Variants in CHID1 observed in about 807,000 individuals in gnomAD.
The protein encoded by CHID1 is chitinase domain containing 1.
A neutral mutation model predicts 55.4 loss-of-function variants in CHID1; 44 were observed. The observed-to-expected ratio is 0.79, with a 90% CI of 0.62 to 1.02. The LOEUF (loss-of-function observed/expected upper bound fraction) is 1.02. CHID1 is among the 50% of genes least tolerant of loss of function. CHID1 has a pLI of 0.00. For missense variants in CHID1, 491 were observed against 515.3 expected, an observed-to-expected ratio of 0.95 and a Z score of 0.46; for synonymous variants, 216 against 212.9, an observed-to-expected ratio of 1.01 and a Z score of -0.13.
Position 869,212 on chromosome 11 carries a change from A to C in CHID1, c.*646T>G. Reference sequence around the variant, plus strand: ...TCCAGGCTGGCCTGGGGGTCGTGCTACCTGAGGCGGCAGAGCTGAGCCAAG... The same window carrying C: ...TCCAGGCTGGCCTGGGGGTCGTGCTCCCTGAGGCGGCAGAGCTGAGCCAAG... On this transcript the variant is annotated 3_prime_UTR_variant, in exon 13 of 13. Coordinates refer to ENST00000323578, the MANE Select transcript of CHID1 (RefSeq NM_023947.4). 6.5e-6 allele frequency: 1 copy of C among 153,236 alleles called. No homozygotes were observed. Among genetic ancestry groups the C allele is most frequent in the Admixed American group, 6.5e-5 (1 of 15,354 alleles). 9.5% of individuals were successfully genotyped at this position (153,236 alleles called of 1,614,324 possible). A position where few individuals can be genotyped will look rare whatever the true frequency, so the allele number is the denominator to read the frequency against.
At position 904,792 on chromosome 11, in the gene CHID1, AGAG is replaced by A. The variant is rs1852087181; in HGVS notation, c.22_24del (p.Leu8del). ...ACAGGGCTGCAGGCCAGGGCAAGCC[AGAG>A]GAGGTTGAAGAGTGTCCGCATGGTA... On this transcript the variant is annotated inframe_deletion, in exon 2 of 13. Coordinates refer to ENST00000323578, the MANE Select transcript of CHID1 (RefSeq NM_023947.4). The A allele has an allele frequency of 6.2e-7, 1 of 1,613,898 alleles. No homozygotes were observed. The highest frequency in any genetic ancestry group is 8.5e-7 in the Non-Finnish European group (1 of 1,180,026).
At position 907,967 on chromosome 11, in the gene CHID1, C is replaced by T. The variant is rs182704281; in HGVS notation, c.-44+2808G>A. 2.9e-4 allele frequency among the ~76,000 whole-genome samples: 44 copies of T among 152,338 alleles called. No homozygotes were observed. In the East Asian group the frequency reaches 5.4e-3, roughly 19 times the overall value. ...ACCTGCTTTCTTCTGCAGAGGCACA[C>T]GCTGCCCCACTTTGCCCTGTCTCTT... On this transcript the variant is annotated intron_variant, in intron 1 of 12. Transcript: ENST00000323578.
chr11:882,406 C>T (rs61869681), intron 10 of CHID1: 12,963 of 152,268 alleles, frequency 0.085, 642 homozygotes, highest in Middle Eastern at 0.18. Flanking sequence ...TTGTGGTCTC[C>T]AAACGAGAAG....
chr11:906,177 G>A lies in CHID1; in HGVS notation c.-43-1318C>T, dbSNP rs182527828. ...TCCACCTCCTGACCTCAGGTGATCT[G>A]CCCACCTCGGCCCCCCCAAAGTGCT... On this transcript the variant is annotated intron_variant, in intron 1 of 12. Transcript: ENST00000323578. Among the ~76,000 whole-genome samples the A allele has an allele frequency of 2.4e-3, 355 of 150,722 alleles. 2 individuals are homozygous for A. Among genetic ancestry groups the A allele is most frequent in the African/African-American group, 8.4e-3 (347 of 41,158 alleles).
At chr11:887,059 G>C (rs1029648189) in intron 8 of CHID1, among the ~76,000 whole-genome samples, 1 of 152,022 alleles carries the variant, frequency 6.6e-6, no homozygotes, top group African/African-American at 2.4e-5. Flanking sequence ...TTTGAGACAG[G>C]GTCTTGCTCT....
intron 8 of CHID1, among the ~76,000 whole-genome samples, chr11:892,534 G>A (rs1305988738): frequency 6.6e-6 from 1 of 152,222 alleles, no homozygotes; most frequent in African/African-American, 2.4e-5. Flanking sequence ...TTCCATCAAA[G>A]GATCAGTCTG....
At chr11:892,351 A>C (rs1850904702) in intron 8 of CHID1, among the ~76,000 whole-genome samples, 1 of 152,220 alleles carries the variant, frequency 6.6e-6, no homozygotes. Flanking sequence ...AGTGCTGCAG[A>C]CGGGAGGCTC....
intron 10 of CHID1, among the ~76,000 whole-genome samples, chr11:873,560 A>G (rs1025194398): frequency 6.6e-5 from 10 of 152,058 alleles, no homozygotes; most frequent in African/African-American, 2.4e-4. Context: ...TGCAGGGAGC[A>G]CTGCAGGAGC....
intron 10 of CHID1, among the ~76,000 whole-genome samples, chr11:877,461 A>C (rs570259230): frequency 6.6e-6 from 1 of 152,304 alleles, no homozygotes; most frequent in East Asian, 1.9e-4. Flanking sequence ...TGCATAGAAG[A>C]TCTCGAACCC....
intron 7 of CHID1, among the ~76,000 whole-genome samples, chr11:898,206 G>A (rs1439049953): frequency 2.0e-5 from 3 of 152,218 alleles, no homozygotes; most frequent in Admixed American, 1.3e-4. Context: ...GTGTGGGGAC[G>A]CTGCCCCAGG....
intron 8 of CHID1, among the ~76,000 whole-genome samples, chr11:891,830 C>G (rs1248588486): frequency 6.6e-6 from 1 of 151,544 alleles, no homozygotes; most frequent in East Asian, 2.0e-4. Context: ...ACATTAGTGC[C>G]TTACATCGGA....
At chr11:898,142 C>A (rs886193082) in intron 7 of CHID1, among the ~76,000 whole-genome samples, 1 of 152,226 alleles carries the variant, frequency 6.6e-6, no homozygotes, top group Non-Finnish European at 1.5e-5. Flanking sequence ...CCTGCCCTAC[C>A]CCTCATGGGC....
rs377738911 is a variant in CHID1, at chr11:870,407, C to T, written c.1040+12G>A. ...CAAGGCCAAGGTGGGCCACGCACTT[C>T]AAAACACTCACTTCTTGTACTCGAA... On this transcript the variant is annotated intron_variant, in intron 11 of 12. Transcript: ENST00000323578. 6.2e-7 allele frequency: 1 copy of T among 1,605,562 alleles called. No homozygotes were observed. Among genetic ancestry groups the T allele is most frequent in the African/African-American group, 1.3e-5 (1 of 74,780 alleles).
rs117338012 is a variant in CHID1 at position 904,405 on chromosome 11, C to T, written c.111+301G>A. On this transcript the variant is annotated intron_variant, in intron 2 of 12. Coordinates refer to ENST00000323578, the MANE Select transcript of CHID1 (RefSeq NM_023947.4). ...AAGATGAAGATGCAGGTGATATAAA[C>T]GAGAGGTAGAGCATGGAAACTGGCA... is the stretch of plus-strand genomic sequence containing the variant. 4.3e-3 allele frequency among the ~76,000 whole-genome samples: 657 copies of T among 152,274 alleles called. 1 individual carries two copies. The highest frequency in any genetic ancestry group is 7.4e-3 in the Non-Finnish European group (506 of 68,024).
chr11:914,244 C>A, upstream of CHID1: 1 of 170,488 alleles, frequency 5.9e-6, no homozygotes. Flanking sequence ...TAAATCCAAG[C>A]ATAACCACCT....
At chr11:893,275 AGAGT>A in intron 8 of CHID1, 148 bp downstream of exon 8, 1 of 589,832 alleles carries the variant, frequency 1.7e-6, no homozygotes. Flanking sequence ...ACAGGGGCAC[AGAGT>A]GTGTGGCAGC....
chr11:870,173 A>G lies in CHID1; in HGVS notation c.1041-10T>C. The G allele has an allele frequency of 6.2e-7, 1 of 1,613,142 alleles. No individual in the cohort carries two copies. Among genetic ancestry groups the G allele is most frequent in the Non-Finnish European group, 8.5e-7 (1 of 1,179,964 alleles). On this transcript the variant is annotated splice_polypyrimidine_tract_variant and intron_variant, in intron 11 of 12. Transcript: ENST00000323578. ...CCTCCCACTGCGGCTCCTGCAAGAC[A>G]AAGGGACTGTCAGCCCATCCGCTCT... is the stretch of plus-strand genomic sequence containing the variant.
At chr11:914,008 C>T (rs763882867), upstream of CHID1, among the ~76,000 whole-genome samples, 7 of 148,932 alleles carry the variant, frequency 4.7e-5, no homozygotes, top group Non-Finnish European at 1.0e-4. Flanking sequence ...GCGGAGGTTG[C>T]AATGAGCCGA....
chr11:877,893 G>A (rs1016613178), intron 10 of CHID1, among the ~76,000 whole-genome samples: 1 of 152,082 alleles, frequency 6.6e-6, no homozygotes, highest in African/African-American at 2.4e-5. Context: ...GGTCATGAGG[G>A]CTCCGCCCTG....
Sources: allele counts gnomAD v4.1 joint callset (sites outside exome capture counted in the v4.1 genomes callset), GRCh38; gene constraint gnomAD v4.1.1; transcripts MANE v1.5; gene names NCBI Gene and HGNC (gene_info 2026-07-23, HGNC 2026-07-21).